The following CYP2J2 variants were observed in gnomAD, a reference collection of about 807,000 sequenced individuals.
CYP2J2 encodes cytochrome P450 family 2 subfamily J member 2.
CYP2J2 carries 41 observed loss-of-function variants against 48.8 expected under a neutral mutation model. The observed-to-expected ratio is 0.84, with a 90% CI of 0.66 to 1.09. CYP2J2 has a LOEUF of 1.09. Ranked by LOEUF, CYP2J2 falls within the 50% of genes least tolerant of loss-of-function variation. CYP2J2 has a pLI of 0.00. For missense variants in CYP2J2, 644 were observed against 617.3 expected, an observed-to-expected ratio of 1.04 and a Z score of -0.46; for synonymous variants, 221 against 227.1, an observed-to-expected ratio of 0.97 and a Z score of 0.24.
At chr1:59,957,673 GACACACAGACACACACACACAC>G in the CYP2J2 span, among the ~76,000 whole-genome samples, 1 of 131,070 alleles carries the variant, frequency 7.6e-6, no homozygotes, top group African/African-American at 2.6e-5. Flanking sequence ...AATATTCACA[GACACACAGACACACACACACAC>G]ACACACACCA....
the CYP2J2 span, among the ~76,000 whole-genome samples, chr1:59,946,562 C>G: frequency 2.6e-5 from 4 of 152,158 alleles, no homozygotes; most frequent in Non-Finnish European, 4.4e-5. Context: ...TTGTTCACTG[C>G]TATGTCGCCA....
At chr1:59,895,105 A>G (rs1410912550) in intron 8 of CYP2J2, among the ~76,000 whole-genome samples, 2 of 152,358 alleles carry the variant, frequency 1.3e-5, no homozygotes, top group East Asian at 3.9e-4. Context: ...GCAACCATCC[A>G]AGCCAGGAAA....
At chr1:59,920,960 T>C (rs1031668032) in intron 1 of CYP2J2, among the ~76,000 whole-genome samples, 1 of 152,182 alleles carries the variant, frequency 6.6e-6, no homozygotes, top group African/African-American at 2.4e-5. Context: ...CTTTACTCCA[T>C]TTAGCCACTT....
At chr1:59,968,987 A>G in the CYP2J2 span, among the ~76,000 whole-genome samples, 1 of 152,064 alleles carries the variant, frequency 6.6e-6, no homozygotes, top group Non-Finnish European at 1.5e-5. Flanking sequence ...GTGAAGCTGC[A>G]GACTTTCGCC....
At chr1:59,951,717 G>A in the CYP2J2 span, among the ~76,000 whole-genome samples, 866 of 152,216 alleles carry the variant, frequency 5.7e-3, 3 homozygotes, top group Non-Finnish European at 9.5e-3. Context: ...TAAGCTCTGA[G>A]GGTCTTAATC....
chr1:59,917,657 T>C (rs1186168568), intron 1 of CYP2J2, among the ~76,000 whole-genome samples: 1 of 152,144 alleles, frequency 6.6e-6, no homozygotes, highest in East Asian at 1.9e-4. Context: ...GGGATGTGTA[T>C]GTTCATGAAT....
At chr1:59,951,056 C>A in the CYP2J2 span, among the ~76,000 whole-genome samples, 1 of 152,138 alleles carries the variant, frequency 6.6e-6, no homozygotes, top group Non-Finnish European at 1.5e-5. Context: ...GAAAGAATGG[C>A]AACGTACCTT....
the CYP2J2 span, among the ~76,000 whole-genome samples, chr1:59,941,548 T>C: frequency 4.9e-4 from 75 of 152,256 alleles, no homozygotes; most frequent in Middle Eastern, 6.8e-3. Flanking sequence ...AAAAGTTAAC[T>C]GTAAAATAGT....
At chr1:59,929,874 A>G (rs948575539), upstream of CYP2J2, among the ~76,000 whole-genome samples, 3 of 152,190 alleles carry the variant, frequency 2.0e-5, no homozygotes, top group Admixed American at 6.5e-5. Context: ...AAAATTTCCA[A>G]AATTTCACGA....
the CYP2J2 span, among the ~76,000 whole-genome samples, chr1:59,953,718 G>A: frequency 6.6e-6 from 1 of 152,166 alleles, no homozygotes; most frequent in Admixed American, 6.5e-5. Context: ...GAGAGGGGAA[G>A]CATTGCAAAG....
chr1:59,942,768 T>C, the CYP2J2 span, among the ~76,000 whole-genome samples: 1 of 152,166 alleles, frequency 6.6e-6, no homozygotes, highest in Admixed American at 6.5e-5. Context: ...AGAAATGTTT[T>C]TGGAAGTAGA....
the CYP2J2 span, among the ~76,000 whole-genome samples, chr1:59,957,668 TCACAGACACACA>T: frequency 0.023 from 3,530 of 150,272 alleles, 48 homozygotes; most frequent in Non-Finnish European, 0.032. Flanking sequence ...TGAGAAATAT[TCACAGACACACA>T]GACACACACA....
chr1:59,903,045 T>G (rs969258419), intron 7 of CYP2J2, among the ~76,000 whole-genome samples: 6 of 152,204 alleles, frequency 3.9e-5, no homozygotes, highest in African/African-American at 1.4e-4. Context: ...TTCCTTGAGT[T>G]AAATAAATTG....
At position 59,899,226 on chromosome 1, in the gene CYP2J2, C is replaced by T. The variant is rs567113326; in HGVS notation, c.1330+1739G>A. Among the ~76,000 whole-genome samples the T allele has an allele frequency of 1.1e-4, 17 of 152,244 alleles. No individual in the cohort carries two copies. The East Asian group carries it at 1.7e-3, about 16-fold the overall frequency. On this transcript the variant is annotated intron_variant, in intron 8 of 8. Transcript: ENST00000371204. ...ATTATAATAACTGGAACATAACAGCCGAAACTTTGTGCTATAATACAAAAT... is the reference window on the plus strand; with the variant it reads ...ATTATAATAACTGGAACATAACAGCTGAAACTTTGTGCTATAATACAAAAT...
intron 8 of CYP2J2, among the ~76,000 whole-genome samples, chr1:59,895,628 AT>A (rs201744140): frequency 0.012 from 1,787 of 151,864 alleles, 16 homozygotes; most frequent in Middle Eastern, 0.027. Context: ...GACCATATAT[AT>A]TTTTTTGATT....
At chr1:59,910,457 A>G (rs1183493610) in intron 4 of CYP2J2, among the ~76,000 whole-genome samples, 1 of 146,382 alleles carries the variant, frequency 6.8e-6, no homozygotes, top group African/African-American at 2.5e-5. Context: ...TAATTGTTAG[A>G]GCTCACTGAT....
chr1:59,929,783 A>G (rs1417906704), upstream of CYP2J2, among the ~76,000 whole-genome samples: 1 of 152,214 alleles, frequency 6.6e-6, no homozygotes, highest in Non-Finnish European at 1.5e-5. Flanking sequence ...CACTAAACAC[A>G]CCAGCATATA....
chr1:59,911,580 CA>C, intron 4 of CYP2J2, 27 bp downstream of exon 4: 1 of 1,510,064 alleles, frequency 6.6e-7, no homozygotes, highest in Non-Finnish European at 8.9e-7. Context: ...ATTTACTGAA[CA>C]AAGATATGGA....
rs1159593955 is a variant in CYP2J2, at chr1:59,908,041, G to T, written c.862-114C>A. On this transcript the variant is annotated intron_variant, in intron 5 of 8. Coordinates refer to ENST00000371204, the MANE Select transcript of CYP2J2 (RefSeq NM_000775.4). ...CATTTGGAAGAAAAGGTCCCCAAAA[G>T]AAACAATTTTCCCTTTGGCCTCTTC... 5.7e-6 allele frequency: 6 copies of T among 1,044,514 alleles called. No individual in the cohort carries two copies. In the East Asian group the frequency reaches 7.2e-5, roughly 13 times the overall value. The allele number at this position is 1,044,514 out of a possible 1,614,324, so 64.7% of individuals were successfully genotyped here. A position where few individuals can be genotyped will look rare whatever the true frequency, so the allele number is the denominator to read the frequency against.
Sources: gnomAD v4.1 joint callset for allele counts (sites outside exome capture counted in the v4.1 genomes callset) on GRCh38, gnomAD v4.1.1 for gene constraint, MANE v1.5 for transcripts, NCBI Gene and HGNC (gene_info 2026-07-23, HGNC 2026-07-21) for gene names.